HIPK2: variants seen among roughly 807,000 people sequenced by gnomAD.
The protein encoded by HIPK2 is homeodomain interacting protein kinase 2.
Under a neutral mutation model 113.7 loss-of-function variants are expected in HIPK2, and 27 were observed. The observed-to-expected ratio is 0.24, with a 90% CI of 0.17 to 0.33. HIPK2 has a LOEUF of 0.33. Among genes scored for constraint, HIPK2 ranks in the 10% least tolerant of loss-of-function variants. The probability of loss-of-function intolerance (pLI) is 1.00; values close to 1 mark genes in which losing one functional copy is unlikely to be tolerated. For synonymous variants in HIPK2, 631 were observed against 642.2 expected, an observed-to-expected ratio of 0.98 and a Z score of 0.26; for missense variants, 1,257 against 1,588.0, an observed-to-expected ratio of 0.79 and a Z score of 3.54.
At chr7:139,772,765 T>G (rs1263073715) in intron 1 of HIPK2, among the ~76,000 whole-genome samples, 6 of 151,516 alleles carry the variant, frequency 4.0e-5, no homozygotes, top group African/African-American at 1.5e-4. Context: ...TTTTTTTTTT[T>G]TTGTATTTTT....
chr7:139,575,059 C>T, intron 14 of HIPK2, 69 bp downstream of exon 14: 1 of 1,499,836 alleles, frequency 6.7e-7, no homozygotes, highest in East Asian at 2.5e-5. Context: ...CCACAGCAAT[C>T]CTCTCTGAAG....
chr7:139,581,673 T>C (rs1798673615), intron 13 of HIPK2, among the ~76,000 whole-genome samples: 1 of 152,220 alleles, frequency 6.6e-6, no homozygotes, highest in African/African-American at 2.4e-5. Context: ...TTGGCCTGTA[T>C]GCATCACTGG....
rs111470152 is a variant in HIPK2 at position 139,717,033 on chromosome 7, C to T, written c.20-18G>A. 84 of 1,596,694 alleles carry T rather than the reference C, an allele frequency of 5.3e-5. 2 individuals carry two copies. The highest frequency in any genetic ancestry group is 2.8e-4 in the South Asian group (25 of 89,442). Reference sequence around the variant, plus strand: ...GGCCATACCTACAAGGAAAGGAAAACGAAAAGTAAGTATCGGAGTCACCTT... The same window carrying T: ...GGCCATACCTACAAGGAAAGGAAAATGAAAAGTAAGTATCGGAGTCACCTT... On this transcript the variant is annotated intron_variant, in intron 1 of 14. Coordinates refer to ENST00000406875, the MANE Select transcript of HIPK2 (RefSeq NM_022740.5).
chr7:139,669,774 A>G (rs1802197905), intron 2 of HIPK2, among the ~76,000 whole-genome samples: 1 of 152,258 alleles, frequency 6.6e-6, no homozygotes, highest in Non-Finnish European at 1.5e-5. Context: ...TGGAATAAAA[A>G]GATTACAAAC....
intron 1 of HIPK2, among the ~76,000 whole-genome samples, chr7:139,753,736 T>A (rs1430046932): frequency 1.3e-5 from 2 of 152,194 alleles, no homozygotes; most frequent in Non-Finnish European, 2.9e-5. Context: ...CAAGGGAGCG[T>A]CTCTGCGAGG....
chr7:139,711,783 T>C (rs980727964), intron 2 of HIPK2, among the ~76,000 whole-genome samples: 3 of 151,894 alleles, frequency 2.0e-5, no homozygotes, highest in Non-Finnish European at 4.4e-5. Flanking sequence ...CAAAATGAAC[T>C]GGCATCAATG....
chr7:139,627,529 A>C (rs1800475390), intron 5 of HIPK2, among the ~76,000 whole-genome samples: 2 of 152,196 alleles, frequency 1.3e-5, no homozygotes, highest in Admixed American at 1.3e-4. Flanking sequence ...GGGTGAGTCT[A>C]TACTAGGATC....
rs1442847448 is a variant in HIPK2, at chr7:139,568,174, C to T, written c.*4753G>A. The stretch of plus-strand genomic sequence containing the variant: ...CTTCCTGATGTCCATCCGTCTCACA[C>T]GTTGGTGTCTGGGCGGGCTGAGTCT... On this transcript the variant is annotated 3_prime_UTR_variant, in exon 15 of 15. Transcript: ENST00000406875. 1 of 152,246 alleles carries T rather than the reference C, an allele frequency of 6.6e-6. No individual in the cohort carries two copies. Among genetic ancestry groups the T allele is most frequent in the African/African-American group, 2.4e-5 (1 of 41,428 alleles). The allele number at this position is 152,246 out of a possible 1,614,324, so 9.4% of individuals were successfully genotyped here. A position where few individuals can be genotyped will look rare whatever the true frequency, so the allele number is the denominator to read the frequency against.
intron 2 of HIPK2, among the ~76,000 whole-genome samples, chr7:139,677,730 G>A (rs1022288292): frequency 2.6e-5 from 4 of 151,986 alleles, no homozygotes; most frequent in African/African-American, 7.2e-5. Flanking sequence ...CCCCTAGCCC[G>A]CCACAGTAAT....
At chr7:139,656,825 C>T (rs1243199855) in intron 2 of HIPK2, among the ~76,000 whole-genome samples, 2 of 152,256 alleles carry the variant, frequency 1.3e-5, no homozygotes, top group Non-Finnish European at 2.9e-5. Flanking sequence ...ATGCTCTCTC[C>T]TTCTCTTATT....
At chr7:139,618,773 G>A (rs897765217) in intron 7 of HIPK2, among the ~76,000 whole-genome samples, 2 of 152,126 alleles carry the variant, frequency 1.3e-5, no homozygotes, top group Non-Finnish European at 2.9e-5. Context: ...GCATTGGAGG[G>A]GTGCTCCTTC....
intron 9 of HIPK2, among the ~76,000 whole-genome samples, chr7:139,604,933 C>T: frequency 6.6e-6 from 1 of 152,148 alleles, no homozygotes. Flanking sequence ...CCTCAAGAAG[C>T]TTTCTGCCTA....
At chr7:139,576,690 A>T (rs537980705) in intron 13 of HIPK2, among the ~76,000 whole-genome samples, 21 of 152,274 alleles carry the variant, frequency 1.4e-4, no homozygotes, top group African/African-American at 5.1e-4. Flanking sequence ...ATCACAGATC[A>T]CGCAGATGAG....
At chr7:139,615,624 A>G (rs1800012313) in intron 7 of HIPK2, among the ~76,000 whole-genome samples, 1 of 152,266 alleles carries the variant, frequency 6.6e-6, no homozygotes, top group South Asian at 2.1e-4. Context: ...CACTGTCTAC[A>G]AGAGGTTTTG....
At chr7:139,699,217 G>A (rs899944510) in intron 2 of HIPK2, among the ~76,000 whole-genome samples, 5 of 152,056 alleles carry the variant, frequency 3.3e-5, no homozygotes, top group African/African-American at 9.7e-5. Context: ...CCCCAGGGCC[G>A]CAGGGAGTAC....
At chr7:139,722,488 A>G (rs1227428381) in intron 1 of HIPK2, among the ~76,000 whole-genome samples, 1 of 152,208 alleles carries the variant, frequency 6.6e-6, no homozygotes, top group Admixed American at 6.5e-5. Context: ...ATTTCAAAAT[A>G]CTATTTTTAA....
Position 139,613,952 on chromosome 7 carries a change from A to G in HIPK2, c.1990+334T>C, listed in dbSNP as rs1187498551. ...TTTCTACAGATAACCCACACAGAGGATATTTCATGCGAGGAAAAGCAAGAG... is the reference window on the plus strand; with the variant it reads ...TTTCTACAGATAACCCACACAGAGGGTATTTCATGCGAGGAAAAGCAAGAG... On this transcript the variant is annotated intron_variant, in intron 8 of 14. Transcript: ENST00000406875. This position sits in a 1 kb window ranked among gnomAD's most constrained non-coding sequence, Gnocchi z 4.2. Among the ~76,000 whole-genome samples the G allele has an allele frequency of 6.6e-6, 1 of 152,232 alleles. No individual in the cohort carries two copies. Among genetic ancestry groups the G allele is most frequent in the African/African-American group, 2.4e-5 (1 of 41,464 alleles).
chr7:139,663,337 G>A (rs1458873197), intron 2 of HIPK2, among the ~76,000 whole-genome samples: 1 of 152,194 alleles, frequency 6.6e-6, no homozygotes, highest in African/African-American at 2.4e-5. Flanking sequence ...TCCTAACTAG[G>A]AAGCGGGTTT....
intron 9 of HIPK2, among the ~76,000 whole-genome samples, chr7:139,607,380 G>A (rs1799656300): frequency 6.6e-6 from 1 of 151,968 alleles, no homozygotes. Flanking sequence ...TAAGAAAAAA[G>A]ACCCAAAAGA....
Sources: allele counts gnomAD v4.1 joint callset (sites outside exome capture counted in the v4.1 genomes callset), GRCh38; gene constraint gnomAD v4.1.1; non-coding constraint Gnocchi (gnomAD v3.1); transcripts MANE v1.5; gene names NCBI Gene and HGNC (gene_info 2026-07-23, HGNC 2026-07-21).